Variants in ADAMTS16 observed in about 807,000 individuals in gnomAD.
ADAMTS16 encodes A disintegrin and metalloproteinase with thrombospondin motifs 16.
A neutral mutation model predicts 145.8 loss-of-function variants in ADAMTS16; 94 were observed. The ratio of observed to expected loss-of-function variants is 0.64; its 90% CI spans 0.55 to 0.77. The LOEUF is 0.77. Ranked by LOEUF, ADAMTS16 falls within the 30% of genes least tolerant of loss-of-function variation. The probability of loss-of-function intolerance (pLI) is 0.00; values close to 1 mark genes in which losing one functional copy is unlikely to be tolerated. For synonymous variants in ADAMTS16, 659 were observed against 604.3 expected (o/e 1.09, Z -1.33); for missense variants, 1,585 against 1,591.5 (o/e 1.00, Z 0.07).
At chr5:5,240,649 C>T (rs1404547418) in intron 16 of ADAMTS16, among the ~76,000 whole-genome samples, 2 of 152,132 alleles carry the variant, frequency 1.3e-5, no homozygotes, top group African/African-American at 4.8e-5. Context: ...CCTGGATACC[C>T]CCACCTGTTC....
At chr5:5,312,448 AT>A (rs11458204) in intron 21 of ADAMTS16, among the ~76,000 whole-genome samples, 2,849 of 134,370 alleles carry the variant, frequency 0.021, 56 homozygotes, top group African/African-American at 0.064. Flanking sequence ...TGTTGTTGTT[AT>A]TTTTTTTTTT....
intron 10 of ADAMTS16, among the ~76,000 whole-genome samples, chr5:5,210,189 GA>G (rs1267679020): frequency 6.6e-6 from 1 of 152,078 alleles, no homozygotes. Flanking sequence ...AATTCCCTGA[GA>G]AATTTTTTTT....
chr5:5,140,672 G>A lies in ADAMTS16; in HGVS notation c.81G>A (p.Ala27=). Residue 27 remains alanine, a synonymous_variant, in exon 2 of 23, where the codon GCG becomes GCA. Transcript: ENST00000274181. The part of the protein sequence containing the change: ...LLAQVAEQAP[A]CAMGPAAAAP... ...GCCGCTGTTTTCCGCAGGCACCTGC[G>A]TGCGCCATGGGACCCGCAGCGGCAG... 7 of 1,554,378 alleles carry A rather than the reference G, an allele frequency of 4.5e-6. No homozygotes were observed. Among genetic ancestry groups the A allele is most frequent in the Non-Finnish European group, 5.2e-6 (6 of 1,153,298 alleles).
Position 5,306,666 on chromosome 5 carries a change from C to G in ADAMTS16, c.3349C>G (p.His1117Asp), listed in dbSNP as rs202070523. ...RACAPLPCPR[H>D]PPFAAAGPSR... The stretch of plus-strand genomic sequence containing the variant: ...CTGCGCCCCGCTTCCATGCCCCAGG[C>G]ACCCCCCATTTGCTGCTGCGGGACC... Residue 1117 changes from histidine (H) to aspartate (D), a missense_variant, in exon 21 of 23, where the codon CAC becomes GAC. By Grantham distance (81) the His-to-Asp change is moderately conservative. This residue lies in a region of ADAMTS16 where 834 missense variants were observed against 811.7 expected (regional missense o/e 1.03). Coordinates refer to ENST00000274181, the MANE Select transcript of ADAMTS16 (RefSeq NM_139056.4). The G allele has an allele frequency of 3.7e-6, 6 of 1,613,942 alleles. No individual in the cohort carries two copies. In the African/African-American group the frequency reaches 8.0e-5, roughly 22 times the overall value.
chr5:5,220,333 A>G (rs34824718), intron 10 of ADAMTS16, among the ~76,000 whole-genome samples: 25,168 of 145,270 alleles, frequency 0.17, 2,879 homozygotes, highest in East Asian at 0.48. Flanking sequence ...CTAATTTTTT[A>G]TATTTTTAGT....
intron 3 of ADAMTS16, among the ~76,000 whole-genome samples, chr5:5,175,579 C>T (rs956187045): frequency 1.3e-5 from 2 of 152,132 alleles, no homozygotes; most frequent in African/African-American, 2.4e-5. Flanking sequence ...CAGAACTTGC[C>T]TAGGAATTTC....
intron 9 of ADAMTS16, among the ~76,000 whole-genome samples, chr5:5,206,442 A>AC (rs1736121133): frequency 6.7e-6 from 1 of 148,908 alleles, no homozygotes; most frequent in Non-Finnish European, 1.5e-5. Flanking sequence ...AAAAAAAAAA[A>AC]AAAAAGATCT....
rs375497368 is a variant in ADAMTS16 at position 5,306,463 on chromosome 5, G to C, written c.3187-41G>C. ...TTAACCCACAGATTTTGCAAAAAAA[G>C]AGATTTTTTTCACTGACTTCTTTTG... is the stretch of plus-strand genomic sequence containing the variant. On this transcript the variant is annotated intron_variant, in intron 20 of 22. Coordinates refer to ENST00000274181, the MANE Select transcript of ADAMTS16 (RefSeq NM_139056.4). 8 of 1,569,842 alleles carry C rather than the reference G, an allele frequency of 5.1e-6. No individual in the cohort carries two copies. The African/African-American group carries it at 1.1e-4, about 21-fold the overall frequency.
intron 17 of ADAMTS16, among the ~76,000 whole-genome samples, chr5:5,256,627 CA>C (rs1043530220): frequency 3.1e-4 from 47 of 152,282 alleles, no homozygotes; most frequent in African/African-American, 1.1e-3. Flanking sequence ...AAACTAAGGA[CA>C]TTAATAAAGC....
rs373565510 is a variant in ADAMTS16, at chr5:5,194,433, C to T, written c.1313+2643C>T. Among the ~76,000 whole-genome samples, 8 of 152,280 alleles carry T rather than the reference C, an allele frequency of 5.3e-5. No homozygotes were observed. The South Asian group carries it at 8.3e-4, about 16-fold the overall frequency. ...CATACAGCTCAAACCATGGAAACCACCCAGGACAGTTCCTTCTGTCGCCTT... is the reference window on the plus strand; with the variant it reads ...CATACAGCTCAAACCATGGAAACCATCCAGGACAGTTCCTTCTGTCGCCTT... On this transcript the variant is annotated intron_variant, in intron 8 of 22. Transcript: ENST00000274181.
chr5:5,319,114 G>T lies in ADAMTS16; in HGVS notation c.3651G>T (p.Lys1217Asn). The change falls in exon 23 of 23, where the codon AAG becomes AAT. Residue 1217 changes from lysine to asparagine, a missense_variant. Physicochemically the swap from Lys to Asn is moderately conservative, Grantham distance 94 (BLOSUM62 0). Transcript: ENST00000274181. ...SHKFYGKQCC[K>N]TCSKSNL ...AGTTCTACGGCAAGCAGTGCTGCAA[G>T]ACTTGCTCTAAGTCCAACTTGTGAG... 6.2e-7 allele frequency: 1 copy of T among 1,612,292 alleles called. No individual in the cohort carries two copies.
At chr5:5,195,005 G>C (rs1053885564) in intron 8 of ADAMTS16, among the ~76,000 whole-genome samples, 2 of 152,172 alleles carry the variant, frequency 1.3e-5, no homozygotes, top group African/African-American at 2.4e-5. Flanking sequence ...CTCAAATAAA[G>C]ATTTCAGTTA....
chr5:5,318,185 G>A lies in ADAMTS16; in HGVS notation c.3463G>A (p.Ala1155Thr), dbSNP rs1429261961. ...TCAGACGAGGTCCGTGCAGTGCCTGGCTGGGGGCCGGCCGGCCTCAGGCTG... is the reference window on the plus strand; with the variant it reads ...TCAGACGAGGTCCGTGCAGTGCCTGACTGGGGGCCGGCCGGCCTCAGGCTG... Reference protein sequence around the residue: ...GVQTRSVQCLAGGRPASGCLL... With the variant: ...GVQTRSVQCLTGGRPASGCLL... The change falls in exon 22 of 23, where the codon GCT becomes ACT. Residue 1155 changes from alanine (A) to threonine (T), a missense_variant. Physicochemically the swap from Ala to Thr is moderately conservative, Grantham distance 58. Transcript: ENST00000274181. The A allele has an allele frequency of 6.4e-7, 1 of 1,560,092 alleles. No homozygotes were observed. Among genetic ancestry groups the A allele is most frequent in the Non-Finnish European group, 8.7e-7 (1 of 1,148,954 alleles).
At chr5:5,157,529 G>A (rs932515708) in intron 3 of ADAMTS16, among the ~76,000 whole-genome samples, 1 of 152,158 alleles carries the variant, frequency 6.6e-6, no homozygotes, top group Non-Finnish European at 1.5e-5. Context: ...GTGACATGAT[G>A]CATCTGGTGG....
intron 17 of ADAMTS16, among the ~76,000 whole-genome samples, chr5:5,257,964 C>T (rs1042612572): frequency 9.9e-5 from 15 of 152,094 alleles, no homozygotes; most frequent in Admixed American, 6.5e-4. Flanking sequence ...ACTTGATTGA[C>T]GATCATGGGT....
At position 5,216,390 on chromosome 5, in the gene ADAMTS16, T is replaced by C. The variant is rs565735096; in HGVS notation, c.1606-6399T>C. The stretch of plus-strand genomic sequence containing the variant: ...CCTTAGCCCATTTTTTTTTTCTTAC[T>C]GATTTGTTTGAGTTCATTGTAGATC... On this transcript the variant is annotated intron_variant, in intron 10 of 22. Transcript: ENST00000274181. 2.5e-4 allele frequency among the ~76,000 whole-genome samples: 38 copies of C among 151,978 alleles called. No homozygotes were observed. In the South Asian group the frequency reaches 5.6e-3, roughly 22 times the overall value.
chr5:5,315,657 C>T (rs377736160), intron 21 of ADAMTS16, among the ~76,000 whole-genome samples: 16 of 152,222 alleles, frequency 1.1e-4, no homozygotes, highest in African/African-American at 3.4e-4. Context: ...AGGTTCTCGG[C>T]GCACTGTGTG....
At chr5:5,189,033 G>T (rs1735586867) in intron 6 of ADAMTS16, among the ~76,000 whole-genome samples, 1 of 152,202 alleles carries the variant, frequency 6.6e-6, no homozygotes, top group Non-Finnish European at 1.5e-5. Flanking sequence ...CCGTGTTTGT[G>T]TGTAGCATTT....
chr5:5,311,143 G>A (rs1017674708), intron 21 of ADAMTS16, among the ~76,000 whole-genome samples: 13 of 151,400 alleles, frequency 8.6e-5, no homozygotes, highest in Non-Finnish European at 1.3e-4. Context: ...GTCCACTCTC[G>A]GCCTTCCTGA....
Sources: allele counts gnomAD v4.1 joint callset (sites outside exome capture counted in the v4.1 genomes callset), GRCh38; gene constraint gnomAD v4.1.1; regional missense constraint gnomAD v4.1.1; transcripts MANE v1.5; gene names NCBI Gene and HGNC (gene_info 2026-07-23, HGNC 2026-07-21).